The following MACROD2 variants were observed in gnomAD, a reference collection of about 807,000 sequenced individuals.
The protein encoded by MACROD2 is ADP-ribose glycohydrolase MACROD2.
In MACROD2, 36 loss-of-function variants were observed where a neutral mutation model predicts 70.4. The ratio of observed to expected loss-of-function variants is 0.51; its 90% CI spans 0.39 to 0.68. MACROD2 has a LOEUF of 0.68. Ranked by LOEUF, MACROD2 falls within the 30% of genes least tolerant of loss-of-function variation. The pLI is 0.00. For synonymous variants in MACROD2, 172 were observed against 178.8 expected (o/e 0.96, Z 0.30); for missense variants, 496 against 538.4 (o/e 0.92, Z 0.78).
chr20:14,123,067 A>G (rs1954611457), intron 3 of MACROD2, among the ~76,000 whole-genome samples: 1 of 152,178 alleles, frequency 6.6e-6, no homozygotes, highest in South Asian at 2.1e-4. Flanking sequence ...AGCCTGTTTC[A>G]TGAACAAATG....
chr20:14,715,962 A>G (rs1600578519), intron 5 of MACROD2, among the ~76,000 whole-genome samples: 1 of 152,212 alleles, frequency 6.6e-6, no homozygotes, highest in Non-Finnish European at 1.5e-5. Context: ...TAAATCATCT[A>G]AACACCAAAA....
At chr20:15,246,438 C>T (rs2077106451) in intron 6 of MACROD2, among the ~76,000 whole-genome samples, 1 of 152,144 alleles carries the variant, frequency 6.6e-6, no homozygotes, top group Non-Finnish European at 1.5e-5. Context: ...AGAAAGTTGA[C>T]CTAGAAATCT....
At chr20:15,911,166 A>G (rs1440793753) in intron 10 of MACROD2, among the ~76,000 whole-genome samples, 2 of 152,200 alleles carry the variant, frequency 1.3e-5, no homozygotes, top group African/African-American at 2.4e-5. Context: ...GACTAGGTCT[A>G]GGACACATGG....
chr20:14,543,968 A>G (rs1038686364), intron 4 of MACROD2, among the ~76,000 whole-genome samples: 1 of 152,186 alleles, frequency 6.6e-6, no homozygotes, highest in African/African-American at 2.4e-5. Flanking sequence ...CAATTCAACT[A>G]ATATTCACTA....
intron 8 of MACROD2, among the ~76,000 whole-genome samples, chr20:15,521,020 G>A (rs938229821): frequency 1.3e-5 from 2 of 152,258 alleles, no homozygotes; most frequent in East Asian, 3.9e-4. Flanking sequence ...CACAGGGAAG[G>A]GACAGCAAGA....
intron 5 of MACROD2, among the ~76,000 whole-genome samples, chr20:15,148,945 A>G (rs1322181097): frequency 6.6e-6 from 1 of 152,076 alleles, no homozygotes; most frequent in Non-Finnish European, 1.5e-5. Context: ...CTGGTCTGTT[A>G]TCAGACTGTA....
At chr20:14,800,899 A>G (rs546259919) in intron 5 of MACROD2, among the ~76,000 whole-genome samples, 1 of 151,324 alleles carries the variant, frequency 6.6e-6, no homozygotes, top group East Asian at 1.9e-4. Context: ...GGGTTTGACT[A>G]ATTTTCCTAA....
intron 3 of MACROD2, among the ~76,000 whole-genome samples, chr20:14,333,800 T>C (rs1249549249): frequency 2.0e-5 from 3 of 152,140 alleles, no homozygotes; most frequent in Admixed American, 1.3e-4. Flanking sequence ...CCAAGCAGGG[T>C]ATTACTTAAA....
intron 4 of MACROD2, among the ~76,000 whole-genome samples, chr20:14,683,907 C>T (rs1267463556): frequency 1.3e-5 from 2 of 151,916 alleles, no homozygotes; most frequent in Non-Finnish European, 2.9e-5. Flanking sequence ...AACTAAAGCC[C>T]CAAATCCTCA....
At chr20:15,725,262 A>G (rs1345381389) in intron 8 of MACROD2, among the ~76,000 whole-genome samples, 1 of 152,184 alleles carries the variant, frequency 6.6e-6, no homozygotes, top group African/African-American at 2.4e-5. Flanking sequence ...AATTTTTTTC[A>G]TCAGAGTTTT....
chr20:14,686,565 G>C (rs549118000), intron 5 of MACROD2, among the ~76,000 whole-genome samples: 5 of 152,192 alleles, frequency 3.3e-5, no homozygotes, highest in African/African-American at 1.2e-4. Flanking sequence ...GTTTAGCTAT[G>C]TTTACATACT....
intron 5 of MACROD2, among the ~76,000 whole-genome samples, chr20:15,049,387 G>A (rs1221691189): frequency 6.6e-6 from 1 of 151,866 alleles, no homozygotes; most frequent in Non-Finnish European, 1.5e-5. Context: ...TCTAAAGGCA[G>A]CTGCTACTCA....
At chr20:15,919,318 A>G (rs1301008175) in intron 10 of MACROD2, among the ~76,000 whole-genome samples, 1 of 152,218 alleles carries the variant, frequency 6.6e-6, no homozygotes, top group Non-Finnish European at 1.5e-5. Context: ...GAGGAAACAG[A>G]TGTTCCTATC....
At chr20:15,085,949 C>T (rs142004207) in intron 5 of MACROD2, among the ~76,000 whole-genome samples, 8 of 150,058 alleles carry the variant, frequency 5.3e-5, no homozygotes, top group African/African-American at 1.7e-4. Flanking sequence ...TCACAGAATC[C>T]ATTCCTCAGG....
chr20:15,104,156 C>T (rs1223242297), intron 5 of MACROD2, among the ~76,000 whole-genome samples: 2 of 152,046 alleles, frequency 1.3e-5, no homozygotes, highest in East Asian at 3.9e-4. Flanking sequence ...GCAGATGTGA[C>T]AAGGTTTGAT....
At chr20:14,536,710 C>T (rs2085370768) in intron 4 of MACROD2, among the ~76,000 whole-genome samples, 1 of 151,524 alleles carries the variant, frequency 6.6e-6, no homozygotes, top group Non-Finnish European at 1.5e-5. Flanking sequence ...CATTAAGTCA[C>T]ATTTTTTATA....
At chr20:14,263,587 A>C (rs2082118329) in intron 3 of MACROD2, among the ~76,000 whole-genome samples, 2 of 151,514 alleles carry the variant, frequency 1.3e-5, no homozygotes, top group South Asian at 4.1e-4. Flanking sequence ...GCCAGGAAAA[A>C]GAACAAAAGG....
Position 15,420,139 on chromosome 20 carries a change from A to C in MACROD2, c.541-11266A>C, listed in dbSNP as rs765748624. Reference sequence around the variant, plus strand: ...ACACAAGCAAGCTCAGGCAAAAATCAAGTTCTTCCATTTGCTGGTTCCAAC... The same window carrying C: ...ACACAAGCAAGCTCAGGCAAAAATCCAGTTCTTCCATTTGCTGGTTCCAAC... On this transcript the variant is annotated intron_variant, in intron 6 of 17. Transcript: ENST00000684519. 5.3e-5 allele frequency among the ~76,000 whole-genome samples: 8 copies of C among 152,296 alleles called. 1 individual carries two copies. In the South Asian group the frequency reaches 8.3e-4, roughly 16 times the overall value.
rs866452069 is a variant in MACROD2 at position 15,004,282 on chromosome 20, G to T, written c.419-225658G>T. Among the ~76,000 whole-genome samples, 5 of 152,158 alleles carry T rather than the reference G, an allele frequency of 3.3e-5. No homozygotes were observed. In the South Asian group the frequency reaches 1.0e-3, roughly 31 times the overall value. Reference sequence around the variant, plus strand: ...GAAATAATTAGCTTCTCTTTAAATTGTATAAATATATCCCCTCTATCTGGA... The same window carrying T: ...GAAATAATTAGCTTCTCTTTAAATTTTATAAATATATCCCCTCTATCTGGA... On this transcript the variant is annotated intron_variant, in intron 5 of 17. Transcript: ENST00000684519.
Sources: allele counts gnomAD v4.1 joint callset (sites outside exome capture counted in the v4.1 genomes callset), GRCh38; gene constraint gnomAD v4.1.1; transcripts MANE v1.5; gene names NCBI Gene and HGNC (gene_info 2026-07-23, HGNC 2026-07-21).